BAZ1A: variants seen among roughly 807,000 people sequenced by gnomAD.
BAZ1A encodes the protein bromodomain adjacent to zinc finger domain 1A.
Under a neutral mutation model 185.2 loss-of-function variants are expected in BAZ1A, and 50 were observed. The observed-to-expected ratio is 0.27, with a 90% CI of 0.22 to 0.34. The LOEUF is 0.34. BAZ1A is among the 10% of genes least tolerant of loss of function. BAZ1A has a pLI of 1.00. For missense variants in BAZ1A, 1,356 were observed against 1,839.9 expected, an observed-to-expected ratio of 0.74 and a Z score of 4.81; for synonymous variants, 571 against 615.6, an observed-to-expected ratio of 0.93 and a Z score of 1.07.
intron 4 of BAZ1A, among the ~76,000 whole-genome samples, chr14:34,819,549 A>C (rs2042055985): frequency 6.6e-6 from 1 of 152,192 alleles, no homozygotes. Context: ...TATGCATTTA[A>C]ATTTCTTTTA....
chr14:34,759,184 T>TTTGTTTGTTTTTG (rs1555336961), intron 24 of BAZ1A, among the ~76,000 whole-genome samples: 2 of 108,028 alleles, frequency 1.9e-5, no homozygotes, highest in East Asian at 5.7e-4. Context: ...TTTTTTTTTT[T>TTTGTTTGTTTTTG]TTTTTTTTTT....
At chr14:34,853,047 TA>T (rs2042620830) in intron 3 of BAZ1A, among the ~76,000 whole-genome samples, 1 of 124,462 alleles carries the variant, frequency 8.0e-6, no homozygotes, top group Non-Finnish European at 1.9e-5. Flanking sequence ...GTTGAACAAT[TA>T]CAAAAAAAAA....
At chr14:34,781,357 C>G (rs1214337449) in intron 16 of BAZ1A, among the ~76,000 whole-genome samples, 3 of 152,118 alleles carry the variant, frequency 2.0e-5, no homozygotes, top group Non-Finnish European at 4.4e-5. Flanking sequence ...CTGTCAATTC[C>G]AGAACACCTT....
chr14:34,811,211 C>G (rs1047092602), intron 4 of BAZ1A, among the ~76,000 whole-genome samples, 175 bp from the exon 5 acceptor site: 1 of 152,118 alleles, frequency 6.6e-6, no homozygotes, highest in Admixed American at 6.6e-5. Flanking sequence ...ATGGTGCAGT[C>G]TCAGCTCACT....
At chr14:34,792,631 T>C (rs917386114) in intron 12 of BAZ1A, 144 bp downstream of exon 12, 12 of 943,424 alleles carry the variant, frequency 1.3e-5, no homozygotes, top group Non-Finnish European at 1.9e-5. Context: ...ATCCATTTGT[T>C]GTTAGCATAT....
In BAZ1A at chr14:34,792,832, T is replaced by C; in HGVS notation, c.1453A>G (p.Ile485Val). The C allele has an allele frequency of 1.2e-6, 2 of 1,613,996 alleles. No homozygotes were observed. The highest frequency in any genetic ancestry group is 1.7e-6 in the Non-Finnish European group (2 of 1,179,960). Reference sequence around the variant, plus strand: ...GCTACTTCCTCTTCTTCTTCAGCTATTGCCTGGAAGATTGCAGTCAGGAAG... The same window carrying C: ...GCTACTTCCTCTTCTTCTTCAGCTACTGCCTGGAAGATTGCAGTCAGGAAG... ...FFFLTAIFQA[I>V]AEEEEEVAKE... Residue 485 changes from isoleucine (I) to valine (V), a missense_variant, in exon 12 of 27, where the codon ATA becomes GTA. Ile to Val is a conservative substitution (Grantham distance 29). Transcript: ENST00000360310.
At chr14:34,863,321 G>C (rs12879437) in intron 2 of BAZ1A, among the ~76,000 whole-genome samples, 2 of 151,212 alleles carry the variant, frequency 1.3e-5, no homozygotes, top group Non-Finnish European at 2.9e-5. Flanking sequence ...GTGCCACCAC[G>C]CCCGGCTAAT....
At chr14:34,779,714 A>G (rs1238102556) in intron 17 of BAZ1A, among the ~76,000 whole-genome samples, 1 of 152,214 alleles carries the variant, frequency 6.6e-6, no homozygotes, top group African/African-American at 2.4e-5. Flanking sequence ...AAATAATTTT[A>G]AGGCAGGAGA....
At chr14:34,835,491 CATT>C (rs1377684106) in intron 3 of BAZ1A, among the ~76,000 whole-genome samples, 4 of 151,808 alleles carry the variant, frequency 2.6e-5, no homozygotes, top group African/African-American at 9.7e-5. Context: ...GGAATGGAAA[CATT>C]ATGTTGACCC....
chr14:34,816,183 G>T (rs2042004131), intron 4 of BAZ1A, among the ~76,000 whole-genome samples: 3 of 150,474 alleles, frequency 2.0e-5, no homozygotes, highest in Admixed American at 1.3e-4. Context: ...CGACTCCTGG[G>T]TTCAAGTGAT....
intron 16 of BAZ1A, among the ~76,000 whole-genome samples, chr14:34,780,959 GT>G (rs1470288014): frequency 6.6e-6 from 1 of 152,174 alleles, no homozygotes; most frequent in East Asian, 1.9e-4. Flanking sequence ...TGGCTAGGAA[GT>G]GATGGTGGCT....
chr14:34,784,071 G>A (rs1880238558), intron 14 of BAZ1A, 144 bp from the exon 15 acceptor site: 2 of 764,518 alleles, frequency 2.6e-6, no homozygotes, highest in African/African-American at 3.6e-5. Flanking sequence ...CATGTCTTCA[G>A]GAAAAAGCAA....
intron 15 of BAZ1A, 62 bp from the exon 16 acceptor site, chr14:34,783,294 T>A: frequency 1.0e-6 from 1 of 991,686 alleles, no homozygotes; most frequent in African/African-American, 1.6e-5. Context: ...ACTTTTAGCA[T>A]CTTGTCTTTA....
chr14:34,861,943 T>G (rs545699483), intron 3 of BAZ1A, 101 bp downstream of exon 3: 6 of 1,319,644 alleles, frequency 4.5e-6, no homozygotes, highest in Non-Finnish European at 6.3e-6. Flanking sequence ...AGCTAGAGCA[T>G]AGTAAAAGGG....
At chr14:34,787,623 C>T (rs927223663) in intron 12 of BAZ1A, among the ~76,000 whole-genome samples, 3 of 151,996 alleles carry the variant, frequency 2.0e-5, no homozygotes, top group African/African-American at 7.3e-5. Flanking sequence ...GCACAGGTTT[C>T]AGTGAGCCGA....
intron 9 of BAZ1A, among the ~76,000 whole-genome samples, chr14:34,798,151 C>T (rs911535108): frequency 9.9e-5 from 15 of 151,992 alleles, no homozygotes; most frequent in African/African-American, 1.2e-4. Flanking sequence ...GGGGCGTGTC[C>T]GCCATTGCTG....
chr14:34,753,849 T>C (rs1594800400), intron 26 of BAZ1A, 145 bp from the exon 27 acceptor site: 2 of 656,646 alleles, frequency 3.0e-6, no homozygotes, highest in East Asian at 6.1e-5. Flanking sequence ...CTAGGCATGG[T>C]GGCTCACATC....
intron 20 of BAZ1A, 39 bp from the exon 21 acceptor site, chr14:34,771,698 A>G (rs781014382): frequency 1.4e-5 from 23 of 1,590,544 alleles, no homozygotes; most frequent in Non-Finnish European, 2.0e-5. Flanking sequence ...GTACTTAAAA[A>G]CACTATTAGG....
chr14:34,831,465 T>C (rs1441496780), intron 3 of BAZ1A, among the ~76,000 whole-genome samples: 1 of 152,172 alleles, frequency 6.6e-6, no homozygotes, highest in Non-Finnish European at 1.5e-5. Flanking sequence ...TGAAAGGTGG[T>C]AAAATCTGTA....
Sources: allele counts gnomAD v4.1 joint callset (sites outside exome capture counted in the v4.1 genomes callset), GRCh38; gene constraint gnomAD v4.1.1; transcripts MANE v1.5; gene names NCBI Gene and HGNC (gene_info 2026-07-23, HGNC 2026-07-21).